Variants in XPR1 observed in about 807,000 individuals in gnomAD.
XPR1 encodes solute carrier family 53 member 1.
In XPR1, 28 loss-of-function variants were observed where a neutral mutation model predicts 87.5. The observed-to-expected ratio is 0.32, with a 90% CI of 0.24 to 0.44. The LOEUF is 0.44. XPR1 is among the 20% of genes least tolerant of loss of function. XPR1 has a pLI of 1.00. For synonymous variants in XPR1, 300 were observed against 306.1 expected, an observed-to-expected ratio of 0.98 and a Z score of 0.21; for missense variants, 559 against 862.3, an observed-to-expected ratio of 0.65 and a Z score of 4.41.
At chr1:180,784,894 A>G (rs1324639789) in intron 2 of XPR1, among the ~76,000 whole-genome samples, 1 of 151,928 alleles carries the variant, frequency 6.6e-6, no homozygotes, top group Non-Finnish European at 1.5e-5. Flanking sequence ...TAGTTTACCA[A>G]GTCTTTTGAA....
chr1:180,831,138 G>A (rs1003799376), intron 9 of XPR1, among the ~76,000 whole-genome samples: 1 of 152,156 alleles, frequency 6.6e-6, no homozygotes, highest in African/African-American at 2.4e-5. Context: ...AGATAATGAG[G>A]CATGCCTCAG....
At chr1:180,733,027 CCACCGGCGTGCCGGTG>C (rs1658609153) in intron 2 of XPR1, among the ~76,000 whole-genome samples, 1 of 152,148 alleles carries the variant, frequency 6.6e-6, no homozygotes, top group Admixed American at 6.5e-5. Context: ...TGTTGGTGGC[CCACCGGCGTGCCGGTG>C]CATGTCGGTG....
chr1:180,798,182 TA>T (rs1415519718), intron 3 of XPR1, among the ~76,000 whole-genome samples: 4 of 152,196 alleles, frequency 2.6e-5, no homozygotes, highest in Middle Eastern at 3.4e-3. Context: ...CTAATATGAT[TA>T]AAAATGTAAA....
At chr1:180,764,766 A>C (rs1393290974) in intron 2 of XPR1, among the ~76,000 whole-genome samples, 6 of 143,814 alleles carry the variant, frequency 4.2e-5, no homozygotes, top group African/African-American at 1.6e-4. Context: ...CACCGTGCCC[A>C]GCCTTATGGA....
chr1:180,802,193 T>TA (rs57495794), intron 3 of XPR1, among the ~76,000 whole-genome samples: 3,058 of 144,510 alleles, frequency 0.021, 77 homozygotes, highest in African/African-American at 0.062. Flanking sequence ...GAAGAGTTAT[T>TA]AAAAAAAAAA....
At chr1:180,677,608 T>C (rs1656410754) in intron 1 of XPR1, among the ~76,000 whole-genome samples, 1 of 152,116 alleles carries the variant, frequency 6.6e-6, no homozygotes, top group South Asian at 2.1e-4. Flanking sequence ...CAAGAGCAAT[T>C]TGGGGAGGTT....
intron 2 of XPR1, among the ~76,000 whole-genome samples, chr1:180,718,433 G>A (rs1244721567): frequency 1.3e-5 from 2 of 152,060 alleles, no homozygotes; most frequent in Non-Finnish European, 2.9e-5. Flanking sequence ...AGTTAAATTT[G>A]CCCCCAAATA....
At chr1:180,639,739 T>C (rs752206236) in intron 1 of XPR1, among the ~76,000 whole-genome samples, 16 of 152,320 alleles carry the variant, frequency 1.1e-4, no homozygotes, top group Middle Eastern at 3.4e-3. Context: ...CTTGAAACTC[T>C]TAACAGTTAT....
At position 180,751,026 on chromosome 1, in the gene XPR1, A is replaced by G. The variant is rs73036504; in HGVS notation, c.122-36727A>G. ...ATTTCATATATTAATGCTGTCATCA[A>G]TGGTAATGGTTTTAAATTTTATTTT... On this transcript the variant is annotated intron_variant, in intron 2 of 14. Coordinates refer to ENST00000367590, the MANE Select transcript of XPR1 (RefSeq NM_004736.4). Among the ~76,000 whole-genome samples, 369 of 152,154 alleles carry G rather than the reference A, an allele frequency of 2.4e-3. 2 individuals carry two copies. The highest frequency in any genetic ancestry group is 8.0e-3 in the African/African-American group (333 of 41,562).
intron 1 of XPR1, among the ~76,000 whole-genome samples, chr1:180,635,401 TG>T (rs1040692302): frequency 5.3e-5 from 8 of 152,216 alleles, no homozygotes; most frequent in Non-Finnish European, 1.5e-5. Context: ...TAACTGAGAC[TG>T]GTTTCAACCA....
chr1:180,770,961 T>C (rs1648490898), intron 2 of XPR1, among the ~76,000 whole-genome samples: 1 of 152,346 alleles, frequency 6.6e-6, no homozygotes, highest in East Asian at 1.9e-4. Flanking sequence ...TTTCTGGATC[T>C]TTTTATAATG....
At chr1:180,810,660 A>G (rs995131892) in intron 6 of XPR1, among the ~76,000 whole-genome samples, 2 of 152,014 alleles carry the variant, frequency 1.3e-5, no homozygotes, top group African/African-American at 2.4e-5. Context: ...CATCGTCTCT[A>G]ATTTTATCTG....
intron 2 of XPR1, among the ~76,000 whole-genome samples, chr1:180,712,200 C>G (rs529785385): frequency 6.6e-6 from 1 of 152,032 alleles, no homozygotes; most frequent in Non-Finnish European, 1.5e-5. Flanking sequence ...TACTCTTGCC[C>G]TTTGTGGCCA....
chr1:180,812,653 T>C lies in XPR1; in HGVS notation c.763+1165T>C, dbSNP rs977569398. 4.3e-4 allele frequency among the ~76,000 whole-genome samples: 65 copies of C among 149,872 alleles called. 3 individuals are homozygous for C. The highest frequency in any genetic ancestry group is 3.0e-5 in the Non-Finnish European group (2 of 67,578). ...CTCTTGTCTAAGCAGCCATTTCTTTTTTTTTTTTTTTTTGACACGGGGTCT... is the reference window on the plus strand; with the variant it reads ...CTCTTGTCTAAGCAGCCATTTCTTTCTTTTTTTTTTTTTGACACGGGGTCT... On this transcript the variant is annotated intron_variant, in intron 7 of 14. Coordinates refer to ENST00000367590, the MANE Select transcript of XPR1 (RefSeq NM_004736.4).
intron 2 of XPR1, among the ~76,000 whole-genome samples, chr1:180,762,015 G>A (rs531336912): frequency 4.1e-4 from 62 of 150,426 alleles, no homozygotes; most frequent in African/African-American, 1.4e-3. Context: ...GCAAACTATC[G>A]CAAGGACAAA....
chr1:180,657,124 A>G (rs975074105), intron 1 of XPR1, among the ~76,000 whole-genome samples: 1 of 152,000 alleles, frequency 6.6e-6, no homozygotes, highest in African/African-American at 2.4e-5. Context: ...CCTGTTTGCC[A>G]TTTGCATTTC....
chr1:180,727,988 A>G (rs986187143), intron 2 of XPR1, among the ~76,000 whole-genome samples: 1 of 152,084 alleles, frequency 6.6e-6, no homozygotes, highest in Admixed American at 6.5e-5. Context: ...ATCTTGTGTC[A>G]ACCTCCTATC....
At chr1:180,855,606 A>G (rs1336860373) in intron 11 of XPR1, among the ~76,000 whole-genome samples, 2 of 150,154 alleles carry the variant, frequency 1.3e-5, no homozygotes, top group African/African-American at 4.9e-5. Context: ...AGAGGTTGCA[A>G]TGAGCCGAGA....
At chr1:180,835,594 G>A (rs1489588928) in intron 10 of XPR1, among the ~76,000 whole-genome samples, 1 of 152,088 alleles carries the variant, frequency 6.6e-6, no homozygotes, top group Admixed American at 6.5e-5. Context: ...TGTGACTAAC[G>A]AAAGTTGATG....
Sources: gnomAD v4.1 joint callset for allele counts (sites outside exome capture counted in the v4.1 genomes callset) on GRCh38, gnomAD v4.1.1 for gene constraint, MANE v1.5 for transcripts, NCBI Gene and HGNC (gene_info 2026-07-23, HGNC 2026-07-21) for gene names.